Variants in RNPEP observed in about 807,000 individuals in gnomAD.
RNPEP encodes aminopeptidase B.
RNPEP carries 57 observed loss-of-function variants against 70.1 expected under a neutral mutation model. The ratio of observed to expected loss-of-function variants is 0.81; its 90% CI spans 0.66 to 1.01. The LOEUF (loss-of-function observed/expected upper bound fraction) is 1.01, where lower values mean the gene tolerates loss of function less well. Ranked by LOEUF, RNPEP falls within the 50% of genes least tolerant of loss-of-function variation. RNPEP has a pLI of 0.00. For synonymous variants in RNPEP, 335 were observed against 357.4 expected (o/e 0.94, Z 0.71); for missense variants, 787 against 852.4 (o/e 0.92, Z 0.96).
At chr1:202,000,672 G>A (rs1250063793) in intron 6 of RNPEP, among the ~76,000 whole-genome samples, 2 of 152,106 alleles carry the variant, frequency 1.3e-5, no homozygotes, top group African/African-American at 4.8e-5. Flanking sequence ...CAAAGCGGGT[G>A]GATCATGAGG....
intron 3 of RNPEP, among the ~76,000 whole-genome samples, chr1:201,993,449 C>T (rs1454894014): frequency 6.6e-6 from 1 of 152,028 alleles, no homozygotes; most frequent in East Asian, 1.9e-4. Flanking sequence ...ACACAAAAAT[C>T]AGCCGGACAT....
At chr1:201,989,193 G>A (rs1683236014) in intron 2 of RNPEP, 149 bp downstream of exon 2, 7 of 1,231,876 alleles carry the variant, frequency 5.7e-6, no homozygotes, top group Non-Finnish European at 1.1e-6. Flanking sequence ...TCCACCTACT[G>A]AAGTTGTATG....
At chr1:202,001,014 C>T (rs927316730) in intron 6 of RNPEP, 3 of 221,606 alleles carry the variant, frequency 1.4e-5, no homozygotes, top group African/African-American at 7.0e-5. Context: ...AACCTACCCA[C>T]ACAAAGTGTA....
chr1:201,999,983 C>T lies in RNPEP; in HGVS notation c.1172C>T (p.Pro391Leu), dbSNP rs1239095076. The stretch of plus-strand genomic sequence containing the variant: ...ATGGACATCACTGGAGAGGAAAACC[C>T]ACTCAACAAGCTCCGCGTGAAGATT... ...QHMDITGEEN[P>L]LNKLRVKIEP... Residue 391 changes from proline (P) to leucine (L), a missense_variant, in exon 6 of 11, where the codon CCA becomes CTA. By Grantham distance (98) the Pro-to-Leu change is moderately conservative. Transcript: ENST00000295640. 1.2e-6 allele frequency: 2 copies of T among 1,613,746 alleles called. No individual in the cohort carries two copies. The highest frequency in any genetic ancestry group is 1.7e-6 in the Non-Finnish European group (2 of 1,179,894).
At position 202,004,440 on chromosome 1, in the gene RNPEP, C is replaced by T. The variant is rs1306926943; in HGVS notation, c.1738C>T (p.Leu580Phe). The change falls in exon 10 of 11, where the codon CTT (leucine) becomes TTT (phenylalanine). Residue 580 changes from leucine to phenylalanine, a missense_variant. Coordinates refer to ENST00000295640, the MANE Select transcript of RNPEP (RefSeq NM_020216.4). ...ELRLRWGQIV[L>F]KNDHQEDFWK... ...CCGGCTGCGATGGGGCCAAATCGTCCTTAAGAACGACCACCAGGAAGATTT... is the reference window on the plus strand; with the variant it reads ...CCGGCTGCGATGGGGCCAAATCGTCTTTAAGAACGACCACCAGGAAGATTT... 6.2e-7 allele frequency: 1 copy of T among 1,614,174 alleles called. No individual in the cohort carries two copies. The highest frequency in any genetic ancestry group is 8.5e-7 in the Non-Finnish European group (1 of 1,180,032).
Position 202,000,893 on chromosome 1 carries a change from T to TAAAAAA in RNPEP, c.1205-469_1205-464dup, listed in dbSNP as rs35891956. The TAAAAAA allele has an allele frequency of 8.0e-4, 108 of 134,334 alleles. No individual in the cohort carries two copies. The Middle Eastern group carries it at 0.019, about 24-fold the overall frequency. The allele number at this position is 134,334 out of a possible 1,614,324, so 8.3% of individuals were successfully genotyped here. Reference sequence around the variant, plus strand: ...TGGGTGATAGAGCAAGACTCCGTCTTAAAAAAAAAAAAAAAAAAACATTGA... The same window carrying TAAAAAA: ...TGGGTGATAGAGCAAGACTCCGTCTTAAAAAAAAAAAAAAAAAAAAAAAAACATTGA... On this transcript the variant is annotated intron_variant, in intron 6 of 10. Coordinates refer to ENST00000295640, the MANE Select transcript of RNPEP (RefSeq NM_020216.4).
In RNPEP at chr1:202,004,950, C is replaced by T. The variant is rs1237278649; in HGVS notation, c.1794+454C>T. Among the ~76,000 whole-genome samples the T allele has an allele frequency of 4.6e-5, 7 of 152,284 alleles. 1 individual carries two copies. In the South Asian group the frequency reaches 6.2e-4, roughly 14 times the overall value. On this transcript the variant is annotated intron_variant, in intron 10 of 10. Coordinates refer to ENST00000295640, the MANE Select transcript of RNPEP (RefSeq NM_020216.4). ...TGCCCTGTTGGGGAAAGGCCCCGGG[C>T]TCTCAGGATGAACTGAATGTCATCA...
At chr1:201,999,561 TAAATG>T (rs925376341) in intron 5 of RNPEP, among the ~76,000 whole-genome samples, 1 of 151,960 alleles carries the variant, frequency 6.6e-6, no homozygotes, top group African/African-American at 2.4e-5. Context: ...AATAATAAAA[TAAATG>T]AAATAAGATA....
chr1:201,996,869 T>C (rs1029762728), intron 4 of RNPEP, among the ~76,000 whole-genome samples: 1 of 152,104 alleles, frequency 6.6e-6, no homozygotes, highest in Non-Finnish European at 1.5e-5. Flanking sequence ...TCAAGGTCCT[T>C]TGTTGACCTG....
intron 9 of RNPEP, 147 bp downstream of exon 9, chr1:202,003,608 C>T (rs1683925413): frequency 6.3e-6 from 4 of 634,044 alleles, no homozygotes; most frequent in South Asian, 3.9e-5. Context: ...AATGTGCCAC[C>T]GGGAGGTTAT....
At position 201,997,479 on chromosome 1, in the gene RNPEP, G is replaced by A. The variant is rs777820375; in HGVS notation, c.1015G>A (p.Ala339Thr). Reference protein sequence around the residue: ...HSWFGNLVTNANWGEFWLNEG... With the variant: ...HSWFGNLVTNTNWGEFWLNEG... ...TTGGTTTGGGAACCTGGTCACCAAC[G>A]CCAACTGGGGTGAATTCTGGCTCAA... The change falls in exon 5 of 11, where the codon GCC becomes ACC. Residue 339 changes from alanine to threonine, a missense_variant. Coordinates refer to ENST00000295640, the MANE Select transcript of RNPEP (RefSeq NM_020216.4). 2.2e-5 allele frequency: 36 copies of A among 1,613,986 alleles called. No individual in the cohort carries two copies. In the East Asian group the frequency reaches 5.8e-4, roughly 26 times the overall value.
intron 6 of RNPEP, among the ~76,000 whole-genome samples, chr1:202,000,764 C>T (rs896959273): frequency 5.3e-5 from 8 of 152,176 alleles, no homozygotes; most frequent in African/African-American, 1.9e-4. Flanking sequence ...TGTGGTGATG[C>T]ACACCTGTAA....
At chr1:201,983,208 C>A in intron 1 of RNPEP, 95 bp downstream of exon 1, 1 of 1,392,932 alleles carries the variant, frequency 7.2e-7, no homozygotes. Flanking sequence ...GGAGGAGGGA[C>A]AGGGAGGACC....
Position 201,983,088 on chromosome 1 carries a change from C to T in RNPEP, c.422C>T (p.Thr141Ile). The part of the protein sequence containing the change: ...RAAERLQVLL[T>I]YRVGEGPGVC... ...GCCGAGCGCCTCCAGGTGCTGCTCACCTACCGCGTCGGGGAGGGACCCGGG... is the reference window on the plus strand; with the variant it reads ...GCCGAGCGCCTCCAGGTGCTGCTCATCTACCGCGTCGGGGAGGGACCCGGG... Residue 141 changes from threonine (T) to isoleucine (I), a missense_variant, in exon 1 of 11, where the codon ACC becomes ATC. Thr to Ile is a moderately conservative substitution (Grantham distance 89). Transcript: ENST00000295640. 1 of 1,512,512 alleles carries T rather than the reference C, an allele frequency of 6.6e-7. No individual in the cohort carries two copies. The highest frequency in any genetic ancestry group is 8.8e-7 in the Non-Finnish European group (1 of 1,138,812). 93.7% of individuals were successfully genotyped at this position (1,512,512 alleles called of 1,614,324 possible).
chr1:201,996,330 C>T (rs1054446936), intron 4 of RNPEP, 67 bp downstream of exon 4: 39 of 1,151,968 alleles, frequency 3.4e-5, no homozygotes, highest in Middle Eastern at 1.9e-4. Flanking sequence ...TCTTCCTCTT[C>T]GTGTGGCTTT....
intron 6 of RNPEP, chr1:202,000,270 A>G (rs1387002802): frequency 8.1e-6 from 3 of 368,626 alleles, no homozygotes; most frequent in African/African-American, 4.1e-5. Context: ...ACAAGTCCAT[A>G]TCGTTTTACC....
Position 201,982,723 on chromosome 1 carries a change from C to T in RNPEP, c.57C>T (p.Ser19=). Residue 19 remains serine, a synonymous_variant, in exon 1 of 11, where the codon TCC becomes TCT. Transcript: ENST00000295640. The part of the protein sequence containing the change: ...GSGAARRPLH[S]AQAVDVASAS... ...GCGCGGCCCGGCGGCCGCTGCACTC[C>T]GCGCAGGCTGTGGACGTGGCCTCGG... is the stretch of plus-strand genomic sequence containing the variant. 1 of 1,403,058 alleles carries T rather than the reference C, an allele frequency of 7.1e-7. No homozygotes were observed. Among genetic ancestry groups the T allele is most frequent in the Non-Finnish European group, 9.3e-7 (1 of 1,074,384 alleles). 86.9% of individuals were successfully genotyped at this position (1,403,058 alleles called of 1,614,324 possible).
chr1:201,999,232 A>G (rs1263865119), intron 5 of RNPEP, among the ~76,000 whole-genome samples: 1 of 151,516 alleles, frequency 6.6e-6, no homozygotes, highest in Non-Finnish European at 1.5e-5. Flanking sequence ...AAAAAAAAAA[A>G]TCAAATCATT....
At chr1:202,005,451 C>A in intron 10 of RNPEP, 107 bp from the exon 11 acceptor site, 1 of 1,319,854 alleles carries the variant, frequency 7.6e-7, no homozygotes, top group Non-Finnish European at 1.1e-6. Flanking sequence ...GCCCACATCC[C>A]TTTTAGCACC....
Sources: gnomAD v4.1 joint callset for allele counts (sites outside exome capture counted in the v4.1 genomes callset) on GRCh38, gnomAD v4.1.1 for gene constraint, MANE v1.5 for transcripts, NCBI Gene and HGNC (gene_info 2026-07-23, HGNC 2026-07-21) for gene names.